Variants in GRAMD1C observed in about 807,000 individuals in gnomAD.
GRAMD1C encodes the protein GRAM domain containing 1C.
In GRAMD1C, 89 loss-of-function variants were observed where a neutral mutation model predicts 97.8. The observed-to-expected ratio is 0.91, with a 90% CI of 0.77 to 1.09. The LOEUF (loss-of-function observed/expected upper bound fraction) is 1.09. Ranked by LOEUF, GRAMD1C falls within the 50% of genes least tolerant of loss-of-function variation. The pLI, the probability that GRAMD1C is intolerant of heterozygous loss-of-function variation, is 0.00. For synonymous variants in GRAMD1C, 256 were observed against 267.0 expected (o/e 0.96, Z 0.40); for missense variants, 740 against 766.4 (o/e 0.97, Z 0.41).
At chr3:113,842,170 G>A (rs968416232) in intron 1 of GRAMD1C, among the ~76,000 whole-genome samples, 6 of 152,160 alleles carry the variant, frequency 3.9e-5, no homozygotes, top group African/African-American at 1.4e-4. Context: ...TTAAAGTGAG[G>A]CATACCTATT....
At chr3:113,943,803 A>C (rs1165631837) in intron 17 of GRAMD1C, among the ~76,000 whole-genome samples, 4 of 152,102 alleles carry the variant, frequency 2.6e-5, no homozygotes, top group Non-Finnish European at 4.4e-5. Context: ...AGTCCCAGCT[A>C]CTCGGGAGGC....
intron 9 of GRAMD1C, chr3:113,913,227 C>T: frequency 1.9e-6 from 1 of 537,030 alleles, no homozygotes; most frequent in Non-Finnish European, 3.2e-6. Flanking sequence ...AAGAATGGTC[C>T]TTCCAAAGTA....
intron 2 of GRAMD1C, among the ~76,000 whole-genome samples, chr3:113,863,607 G>A (rs1232077079): frequency 6.6e-6 from 1 of 152,086 alleles, no homozygotes; most frequent in Non-Finnish European, 1.5e-5. Flanking sequence ...ATTGCAAAAG[G>A]ATGAATTCTA....
intron 2 of GRAMD1C, among the ~76,000 whole-genome samples, chr3:113,846,137 GCT>G (rs1019892498): frequency 1.3e-5 from 2 of 148,538 alleles, no homozygotes; most frequent in African/African-American, 5.1e-5. Flanking sequence ...GCAGAGTTTC[GCT>G]CTTGTCACCC....
chr3:113,854,849 A>T (rs1009087448), intron 2 of GRAMD1C, among the ~76,000 whole-genome samples: 3 of 152,244 alleles, frequency 2.0e-5, no homozygotes, highest in Admixed American at 2.0e-4. Flanking sequence ...GAATGGTGAT[A>T]TGTTACTGGG....
In GRAMD1C at chr3:113,933,552, A is replaced by G; in HGVS notation, c.1251A>G (p.Val417=). Residue 417 remains valine, a synonymous_variant, in exon 12 of 18, where the codon GTA becomes GTG. Coordinates refer to ENST00000358160, the MANE Select transcript of GRAMD1C (RefSeq NM_017577.5). ...KESREARFYL[V]DSEVLTHDVP... is the part of the protein sequence containing the mutation. ...GTCGGGAAGCACGATTTTATTTGGT[A>G]GATTCAGAAGTACTGACACATGATG... 6.2e-7 allele frequency: 1 copy of G among 1,609,270 alleles called. No homozygotes were observed. Among genetic ancestry groups the G allele is most frequent in the South Asian group, 1.1e-5 (1 of 90,984 alleles).
Position 113,908,913 on chromosome 3 carries a change from G to A in GRAMD1C, c.790-45G>A, listed in dbSNP as rs1179382529. 4 of 1,222,994 alleles carry A rather than the reference G, an allele frequency of 3.3e-6. No homozygotes were observed. In the African/African-American group the frequency reaches 4.7e-5, roughly 15 times the overall value. 75.8% of individuals were successfully genotyped at this position (1,222,994 alleles called of 1,614,324 possible). ...TTAAAGTTCTCACTGCAAAATCTAAGCTAAACCTGTGTTTTATTTTGAAAC... is the reference window on the plus strand; with the variant it reads ...TTAAAGTTCTCACTGCAAAATCTAAACTAAACCTGTGTTTTATTTTGAAAC... On this transcript the variant is annotated intron_variant, in intron 8 of 17. Transcript: ENST00000358160.
intron 5 of GRAMD1C, among the ~76,000 whole-genome samples, chr3:113,878,162 T>A (rs1935121692): frequency 6.6e-6 from 1 of 152,238 alleles, no homozygotes; most frequent in African/African-American, 2.4e-5. Flanking sequence ...TATGTCAGTA[T>A]GAACTGGTGA....
intron 2 of GRAMD1C, among the ~76,000 whole-genome samples, chr3:113,861,420 A>C (rs951512241): frequency 2.0e-5 from 3 of 152,132 alleles, no homozygotes; most frequent in African/African-American, 7.2e-5. Flanking sequence ...GTGGGAGTTC[A>C]CTTGAGGCCA....
chr3:113,887,091 T>TTG (rs1553720013), intron 6 of GRAMD1C, among the ~76,000 whole-genome samples: 1 of 115,750 alleles, frequency 8.6e-6, no homozygotes, highest in African/African-American at 3.3e-5. Flanking sequence ...TTTTGTTTTT[T>TTG]TTTTGTTTTT....
intron 10 of GRAMD1C, among the ~76,000 whole-genome samples, chr3:113,926,975 A>T (rs1937251446): frequency 6.6e-6 from 1 of 152,148 alleles, no homozygotes; most frequent in Non-Finnish European, 1.5e-5. Context: ...GGGTGGTGGC[A>T]GTAGGATCTG....
At chr3:113,873,690 T>C (rs968492136) in intron 3 of GRAMD1C, among the ~76,000 whole-genome samples, 1 of 152,122 alleles carries the variant, frequency 6.6e-6, no homozygotes, top group Non-Finnish European at 1.5e-5. Flanking sequence ...GGCTAATTTT[T>C]GTATTTTTAG....
intron 2 of GRAMD1C, among the ~76,000 whole-genome samples, chr3:113,851,913 G>C (rs1933925639): frequency 1.3e-5 from 2 of 152,194 alleles, no homozygotes; most frequent in Admixed American, 1.3e-4. Context: ...CTGTCAGCCA[G>C]GCTGGAGTGC....
intron 1 of GRAMD1C, among the ~76,000 whole-genome samples, chr3:113,842,329 G>A (rs1351698982): frequency 6.6e-6 from 1 of 152,196 alleles, no homozygotes; most frequent in Non-Finnish European, 1.5e-5. Flanking sequence ...AGCTGATGTT[G>A]AAGTTAACTT....
chr3:113,899,611 T>C (rs1936073300), intron 6 of GRAMD1C, among the ~76,000 whole-genome samples: 1 of 152,228 alleles, frequency 6.6e-6, no homozygotes, highest in Non-Finnish European at 1.5e-5. Context: ...AACAATTGCT[T>C]CAAGTGTTAT....
At chr3:113,870,330 C>T (rs1934745256) in intron 3 of GRAMD1C, among the ~76,000 whole-genome samples, 1 of 151,850 alleles carries the variant, frequency 6.6e-6, no homozygotes, top group Admixed American at 6.6e-5. Context: ...TCACTTCACT[C>T]TACCCTGGGC....
intron 10 of GRAMD1C, among the ~76,000 whole-genome samples, chr3:113,918,241 CTTA>C (rs1167071601): frequency 1.3e-5 from 2 of 152,044 alleles, no homozygotes; most frequent in Non-Finnish European, 2.9e-5. Context: ...TAATATTTAA[CTTA>C]TTATATTTTT....
At chr3:113,928,927 G>A (rs1304795992) in intron 10 of GRAMD1C, among the ~76,000 whole-genome samples, 2 of 151,816 alleles carry the variant, frequency 1.3e-5, no homozygotes, top group Non-Finnish European at 2.9e-5. Flanking sequence ...ATGCCACCAC[G>A]AACATTGACA....
At chr3:113,933,010 G>A (rs1335651293) in intron 11 of GRAMD1C, among the ~76,000 whole-genome samples, 4 of 151,276 alleles carry the variant, frequency 2.6e-5, no homozygotes, top group South Asian at 4.2e-4. Context: ...GCCTCCCACC[G>A]AGTAGCTGGG....
Sources: gnomAD v4.1 joint callset for allele counts (sites outside exome capture counted in the v4.1 genomes callset) on GRCh38, gnomAD v4.1.1 for gene constraint, MANE v1.5 for transcripts, NCBI Gene and HGNC (gene_info 2026-07-23, HGNC 2026-07-21) for gene names.